The following HEATR5B variants were observed in gnomAD, a reference collection of about 807,000 sequenced individuals.
HEATR5B encodes HEAT repeat containing 5B, also known as HEAT repeat-containing protein 5B.
Under a neutral mutation model 224.1 loss-of-function variants are expected in HEATR5B, and 156 were observed. The observed-to-expected ratio is 0.70, with a 90% CI of 0.61 to 0.80. The LOEUF (loss-of-function observed/expected upper bound fraction) is 0.80. Ranked by LOEUF, HEATR5B falls within the 30% of genes least tolerant of loss-of-function variation. The pLI, the probability that HEATR5B is intolerant of heterozygous loss-of-function variation, is 0.00. For synonymous variants in HEATR5B, 1,027 were observed against 893.0 expected, an observed-to-expected ratio of 1.15 and a Z score of -2.68; for missense variants, 2,323 against 2,535.5, an observed-to-expected ratio of 0.92 and a Z score of 1.80.
intron 21 of HEATR5B, among the ~76,000 whole-genome samples, chr2:37,032,983 C>T (rs1451191421): frequency 1.3e-5 from 2 of 151,622 alleles, no homozygotes; most frequent in Non-Finnish European, 2.9e-5. Context: ...TGGTTTCAAG[C>T]GATTCTCTGG....
intron 27 of HEATR5B, among the ~76,000 whole-genome samples, chr2:37,011,655 T>C (rs1667796298): frequency 6.6e-6 from 1 of 152,246 alleles, no homozygotes; most frequent in Non-Finnish European, 1.5e-5. Flanking sequence ...TAACCATTAT[T>C]TTAATGACTT....
chr2:37,050,523 A>G (rs908196949), intron 17 of HEATR5B, among the ~76,000 whole-genome samples: 1 of 152,206 alleles, frequency 6.6e-6, no homozygotes, highest in African/African-American at 2.4e-5. Flanking sequence ...ACATTCTCCT[A>G]TTTCACCTGT....
intron 20 of HEATR5B, among the ~76,000 whole-genome samples, 195 bp from the exon 21 acceptor site, chr2:37,038,219 A>T (rs1669634211): frequency 6.6e-6 from 1 of 152,078 alleles, no homozygotes; most frequent in African/African-American, 2.4e-5. Flanking sequence ...GGCTCACTGC[A>T]ACCTCCGCCT....
chr2:37,017,581 G>A (rs1309660315), intron 26 of HEATR5B, among the ~76,000 whole-genome samples: 2 of 150,040 alleles, frequency 1.3e-5, no homozygotes, highest in Non-Finnish European at 3.0e-5. Flanking sequence ...AGCTACTCAG[G>A]AGGCTGAGGC....
intron 18 of HEATR5B, among the ~76,000 whole-genome samples, chr2:37,041,777 T>G (rs1341568411): frequency 1.3e-5 from 2 of 150,682 alleles, no homozygotes; most frequent in Non-Finnish European, 3.0e-5. Context: ...ATAATAATAA[T>G]TGGTTAAAAA....
At chr2:37,054,234 G>A (rs1263451806) in intron 16 of HEATR5B, among the ~76,000 whole-genome samples, 2 of 102,452 alleles carry the variant, frequency 2.0e-5, no homozygotes, top group African/African-American at 3.9e-5. Flanking sequence ...CGCTCTTGTT[G>A]CCCAGGCTGG....
intron 21 of HEATR5B, 66 bp downstream of exon 21, chr2:37,037,789 A>C (rs1192241538): frequency 4.0e-6 from 5 of 1,240,334 alleles, no homozygotes; most frequent in Admixed American, 6.0e-5. Flanking sequence ...GTATCCATAA[A>C]AAATTTTTTA....
rs761647071 is a variant in HEATR5B, at chr2:37,079,264, C to A, written c.194G>T (p.Gly65Val). The A allele has an allele frequency of 6.2e-7, 1 of 1,612,636 alleles. No homozygotes were observed. The highest frequency in any genetic ancestry group is 8.5e-7 in the Non-Finnish European group (1 of 1,178,962). ...QLTGLISSSP[G>V]PPTRKLLAKN... ...AGCTAATAATTTTCGTGTAGGTGGT[C>A]CAGGTGAACTACTTATTAATCCAGT... Residue 65 changes from glycine to valine, a missense_variant, in exon 3 of 36, where the codon GGA becomes GTA. Around this residue, in one of 12 missense-constraint regions of HEATR5B, gnomAD observed 292 missense variants for 332.6 expected, o/e 0.88. Transcript: ENST00000233099.
At chr2:36,997,685 G>A (rs1021484125) in intron 33 of HEATR5B, among the ~76,000 whole-genome samples, 2 of 150,322 alleles carry the variant, frequency 1.3e-5, no homozygotes, top group African/African-American at 2.5e-5. Flanking sequence ...TCCTGCCTCA[G>A]CCTCCCAAGC....
Position 37,037,848 on chromosome 2 carries a change from T to C in HEATR5B, c.3216+7A>G. 13 of 1,515,584 alleles carry C rather than the reference T, an allele frequency of 8.6e-6. No homozygotes were observed. Among genetic ancestry groups the C allele is most frequent in the Non-Finnish European group, 1.2e-5 (13 of 1,127,764 alleles). 93.9% of individuals were successfully genotyped at this position (1,515,584 alleles called of 1,614,324 possible). The stretch of plus-strand genomic sequence containing the variant: ...AAAATCAATGAATGAAATAGCTCTA[T>C]ACTTACACAAAGGCTAGGAACAAGG... On this transcript the variant is annotated splice_region_variant and intron_variant, in intron 21 of 35. Coordinates refer to ENST00000233099, the MANE Select transcript of HEATR5B (RefSeq NM_019024.3).
intron 33 of HEATR5B, among the ~76,000 whole-genome samples, chr2:36,992,739 A>AT (rs942544837): frequency 6.6e-5 from 10 of 151,472 alleles, no homozygotes; most frequent in African/African-American, 2.4e-5. Context: ...TTTAAAAATT[A>AT]TTTTTTTTTC....
At chr2:37,048,047 G>A (rs1285492958) in intron 18 of HEATR5B, among the ~76,000 whole-genome samples, 2 of 152,034 alleles carry the variant, frequency 1.3e-5, no homozygotes, top group African/African-American at 4.8e-5. Flanking sequence ...CAGATCATAA[G>A]GATTTGAAAA....
chr2:37,020,066 G>A (rs1001150971), intron 25 of HEATR5B, among the ~76,000 whole-genome samples, 189 bp from the exon 26 acceptor site: 2 of 151,878 alleles, frequency 1.3e-5, no homozygotes, highest in African/African-American at 4.8e-5. Flanking sequence ...ACTACTGCCA[G>A]GCTAATTTTT....
intron 20 of HEATR5B, among the ~76,000 whole-genome samples, chr2:37,038,508 T>C (rs1417808585): frequency 4.6e-5 from 7 of 152,238 alleles, no homozygotes; most frequent in African/African-American, 1.7e-4. Context: ...TCTAGTTTTA[T>C]ACGCATTGCC....
At chr2:37,074,137 C>T (rs371700543) in intron 5 of HEATR5B, among the ~76,000 whole-genome samples, 6 of 151,842 alleles carry the variant, frequency 4.0e-5, no homozygotes, top group East Asian at 1.9e-4. Context: ...CTGGCTAACA[C>T]GGTGAAACCC....
chr2:37,082,526 G>A (rs1256976654), intron 2 of HEATR5B, among the ~76,000 whole-genome samples: 1 of 152,190 alleles, frequency 6.6e-6, no homozygotes, highest in Non-Finnish European at 1.5e-5. Context: ...AAACCCGAAT[G>A]AGGGCAAGGA....
chr2:37,054,310 T>G (rs1670754853), intron 16 of HEATR5B, among the ~76,000 whole-genome samples: 1 of 149,544 alleles, frequency 6.7e-6, no homozygotes, highest in South Asian at 2.2e-4. Context: ...TTCTCCTGCC[T>G]CAGCCTCCCG....
chr2:37,084,232 T>G, intron 1 of HEATR5B, 37 bp downstream of exon 1: 1 of 373,800 alleles, frequency 2.7e-6, no homozygotes, highest in Non-Finnish European at 4.8e-6. Flanking sequence ...CGGACAGGAG[T>G]CCGTGCGTGT....
At chr2:36,986,386 C>T (rs1665948761) in intron 35 of HEATR5B, among the ~76,000 whole-genome samples, 1 of 152,172 alleles carries the variant, frequency 6.6e-6, no homozygotes, top group Non-Finnish European at 1.5e-5. Flanking sequence ...AGTTAATCAT[C>T]AAATCAGATA....
Sources: allele counts gnomAD v4.1 joint callset (sites outside exome capture counted in the v4.1 genomes callset), GRCh38; gene constraint gnomAD v4.1.1; regional missense constraint gnomAD v4.1.1; transcripts MANE v1.5; gene names NCBI Gene and HGNC (gene_info 2026-07-23, HGNC 2026-07-21).